The following TMEM120B variants were observed in gnomAD, a reference collection of about 807,000 sequenced individuals.
TMEM120B encodes the protein transmembrane protein 120B.
TMEM120B carries 31 observed loss-of-function variants against 55.5 expected under a neutral mutation model. The observed-to-expected ratio is 0.56, with a 90% CI of 0.42 to 0.75. TMEM120B has a LOEUF of 0.75. Ranked by LOEUF, TMEM120B falls within the 30% of genes least tolerant of loss-of-function variation. TMEM120B has a pLI of 0.00. For synonymous variants in TMEM120B, 203 were observed against 176.3 expected (o/e 1.15, Z -1.20); for missense variants, 399 against 425.5 (o/e 0.94, Z 0.55).
At position 121,779,953 on chromosome 12, in the gene TMEM120B, G is replaced by GTA. The variant is rs369483659; in HGVS notation, c.*4232_*4233insAT. On this transcript the variant is annotated 3_prime_UTR_variant, in exon 12 of 12. Transcript: ENST00000449592. ...AGACCCGGGGTTGGTTCCCCCAGGT[G>GTA]TCTCCCAGGCCTGTGAGAAGAGTTG... 1 of 404,110 alleles carries GTA rather than the reference G, an allele frequency of 2.5e-6. No individual in the cohort carries two copies. Among genetic ancestry groups the GTA allele is most frequent in the African/African-American group, 2.0e-5 (1 of 50,528 alleles). 25.0% of individuals were successfully genotyped at this position (404,110 alleles called of 1,614,324 possible). A position where few individuals can be genotyped will look rare whatever the true frequency, so the allele number is the denominator to read the frequency against.
intron 2 of TMEM120B, among the ~76,000 whole-genome samples, chr12:121,744,488 G>C (rs1592934560): frequency 1.3e-5 from 2 of 152,290 alleles, no homozygotes; most frequent in South Asian, 4.1e-4. Context: ...GTCCTTTTGT[G>C]GGTGTGGGGT....
At chr12:121,766,345 A>G (rs1873849139) in intron 6 of TMEM120B, among the ~76,000 whole-genome samples, 1 of 152,210 alleles carries the variant, frequency 6.6e-6, no homozygotes, top group Non-Finnish European at 1.5e-5. Context: ...ACCATCCCAT[A>G]GGGACTAAAC....
intron 1 of TMEM120B, among the ~76,000 whole-genome samples, chr12:121,737,436 C>T (rs541880238): frequency 7.9e-5 from 12 of 151,726 alleles, no homozygotes; most frequent in African/African-American, 1.2e-4. Flanking sequence ...ACCTAGGAGG[C>T]GGAGGTTGCA....
chr12:121,734,550 G>T (rs943262727), intron 1 of TMEM120B, among the ~76,000 whole-genome samples: 12 of 151,312 alleles, frequency 7.9e-5, no homozygotes, highest in African/African-American at 1.9e-4. Flanking sequence ...GAGCCACCAC[G>T]CCTGGCCATG....
chr12:121,753,702 T>C lies in TMEM120B; in HGVS notation c.461+1479T>C, dbSNP rs367659154. 2.0e-5 allele frequency among the ~76,000 whole-genome samples: 3 copies of C among 149,180 alleles called. No individual in the cohort carries two copies. The East Asian group carries it at 5.8e-4, about 29-fold the overall frequency. ...TGGTATGTGAATTATATCCCAATTA[T>C]ATTTAAAAAAAAAAAGAGAAAAAGA... is the stretch of plus-strand genomic sequence containing the variant. On this transcript the variant is annotated intron_variant, in intron 5 of 11. Coordinates refer to ENST00000449592, the MANE Select transcript of TMEM120B (RefSeq NM_001080825.2).
rs1280711346 is a variant in TMEM120B, at chr12:121,777,634, G to C, written c.*1912G>C. On this transcript the variant is annotated 3_prime_UTR_variant, in exon 12 of 12. Transcript: ENST00000449592. ...TGCGTTTGCCCTAGATTAGGAGTCAGCTAGCTGTCTGTAAAGGGCCAGATG... is the reference window on the plus strand; with the variant it reads ...TGCGTTTGCCCTAGATTAGGAGTCACCTAGCTGTCTGTAAAGGGCCAGATG... 1.3e-5 allele frequency: 2 copies of C among 152,240 alleles called. No homozygotes were observed. The highest frequency in any genetic ancestry group is 1.9e-4 in the East Asian group (1 of 5,198). 9.4% of individuals were successfully genotyped at this position (152,240 alleles called of 1,614,324 possible). A position where few individuals can be genotyped will look rare whatever the true frequency, so the allele number is the denominator to read the frequency against.
At chr12:121,774,439 G>T (rs1874167846) in intron 9 of TMEM120B, among the ~76,000 whole-genome samples, 1 of 152,208 alleles carries the variant, frequency 6.6e-6, no homozygotes, top group African/African-American at 2.4e-5. Flanking sequence ...CCTGGCTCTT[G>T]GTGGCTTGAA....
chr12:121,724,662 A>G (rs1375604660), intron 1 of TMEM120B, among the ~76,000 whole-genome samples: 4 of 149,928 alleles, frequency 2.7e-5, no homozygotes, highest in Admixed American at 2.0e-4. Flanking sequence ...CCAGGCTGGA[A>G]TGCAGTCGCG....
chr12:121,730,181 C>A (rs1261566503), intron 1 of TMEM120B, among the ~76,000 whole-genome samples: 1 of 151,464 alleles, frequency 6.6e-6, no homozygotes, highest in African/African-American at 2.4e-5. Context: ...ATCCCTGGAA[C>A]CCAGGAAGCG....
intron 9 of TMEM120B, among the ~76,000 whole-genome samples, chr12:121,773,869 C>T (rs1362311102): frequency 6.6e-6 from 1 of 151,614 alleles, no homozygotes; most frequent in African/African-American, 2.4e-5. Flanking sequence ...CACTCTGAAG[C>T]CATAGGAGTG....
At chr12:121,727,923 A>G (rs1279653415) in intron 1 of TMEM120B, among the ~76,000 whole-genome samples, 1 of 151,076 alleles carries the variant, frequency 6.6e-6, no homozygotes, top group Non-Finnish European at 1.5e-5. Flanking sequence ...CAAGGTTCAG[A>G]GCTTCTTTTC....
chr12:121,721,790 T>A (rs1017707717), intron 1 of TMEM120B, among the ~76,000 whole-genome samples: 1 of 140,938 alleles, frequency 7.1e-6, no homozygotes, highest in East Asian at 2.1e-4. Flanking sequence ...TTTTTTTGAA[T>A]GGAATCAGTT....
intron 3 of TMEM120B, among the ~76,000 whole-genome samples, chr12:121,749,085 A>C (rs1417514501): frequency 1.3e-5 from 2 of 152,108 alleles, no homozygotes; most frequent in African/African-American, 4.8e-5. Flanking sequence ...TGTTTTCCGG[A>C]TCAGCCTCGC....
intron 6 of TMEM120B, among the ~76,000 whole-genome samples, chr12:121,770,518 A>G (rs1384253161): frequency 6.6e-6 from 1 of 152,100 alleles, no homozygotes; most frequent in Non-Finnish European, 1.5e-5. Flanking sequence ...GAGAGCCCAC[A>G]TTCCTGGAGG....
intron 1 of TMEM120B, among the ~76,000 whole-genome samples, chr12:121,715,084 T>C (rs1030543418): frequency 2.6e-5 from 4 of 152,154 alleles, no homozygotes; most frequent in African/African-American, 9.6e-5. Context: ...ATGCCTGTAA[T>C]TCCAGAACTT....
chr12:121,714,332 C>T (rs1052586165), intron 1 of TMEM120B, among the ~76,000 whole-genome samples: 1 of 152,126 alleles, frequency 6.6e-6, no homozygotes. Context: ...TCTCGGCTTA[C>T]TACAGCCTCC....
chr12:121,752,618 T>C (rs1873365499), intron 5 of TMEM120B, among the ~76,000 whole-genome samples: 1 of 151,958 alleles, frequency 6.6e-6, no homozygotes, highest in African/African-American at 2.4e-5. Flanking sequence ...CCAGGCATGG[T>C]GGAGTATGTC....
chr12:121,740,221 A>G (rs1354765983), intron 1 of TMEM120B, among the ~76,000 whole-genome samples: 1 of 152,090 alleles, frequency 6.6e-6, no homozygotes, highest in South Asian at 2.1e-4. Context: ...ACGGTGGCTC[A>G]TGCTTGTAAT....
rs61954262 is a variant in TMEM120B at position 121,778,448 on chromosome 12, C to T, written c.*2726C>T. On this transcript the variant is annotated 3_prime_UTR_variant, in exon 12 of 12. Coordinates refer to ENST00000449592, the MANE Select transcript of TMEM120B (RefSeq NM_001080825.2). The stretch of plus-strand genomic sequence containing the variant: ...CCTGAGTGACAGAATGAGACTCTGT[C>T]CCAAAAAAAAAAAAAAAAAAAAATT... 7.5e-6 allele frequency: 1 copy of T among 133,596 alleles called. No homozygotes were observed. The highest frequency in any genetic ancestry group is 7.1e-5 in the Admixed American group (1 of 14,052). 8.3% of individuals were successfully genotyped at this position (133,596 alleles called of 1,614,324 possible). A position where few individuals can be genotyped will look rare whatever the true frequency, so the allele number is the denominator to read the frequency against.
Sources: allele counts gnomAD v4.1 joint callset (sites outside exome capture counted in the v4.1 genomes callset), GRCh38; gene constraint gnomAD v4.1.1; transcripts MANE v1.5; gene names NCBI Gene and HGNC (gene_info 2026-07-23, HGNC 2026-07-21).